The following ESR1 variants were observed in gnomAD, a reference collection of about 807,000 sequenced individuals.
ESR1 encodes estrogen receptor.
A neutral mutation model predicts 52.7 loss-of-function variants in ESR1; 12 were observed. The observed-to-expected ratio is 0.23, with a 90% CI of 0.15 to 0.37. The LOEUF is 0.37. Among genes scored for constraint, ESR1 ranks in the 10% least tolerant of loss-of-function variants. The pLI is 1.00. For missense variants in ESR1, 584 were observed against 779.7 expected (o/e 0.75, Z 2.99); for synonymous variants, 305 against 316.8 (o/e 0.96, Z 0.39).
intron 2 of ESR1, among the ~76,000 whole-genome samples, chr6:151,741,695 G>T (rs907022595): frequency 6.6e-6 from 1 of 152,006 alleles, no homozygotes; most frequent in Non-Finnish European, 1.5e-5. Context: ...TATACTTAAG[G>T]TGTACAACAT....
At chr6:151,877,508 G>A (rs983987889) in intron 2 of ESR1, among the ~76,000 whole-genome samples, 3 of 152,160 alleles carry the variant, frequency 2.0e-5, no homozygotes, top group African/African-American at 4.8e-5. Context: ...TGATTCTGTT[G>A]TACATCTATT....
chr6:152,072,213 A>G (rs2128989103), intron 6 of ESR1, among the ~76,000 whole-genome samples: 1 of 152,326 alleles, frequency 6.6e-6, no homozygotes, highest in Non-Finnish European at 1.5e-5. Flanking sequence ...TAGTATCTAT[A>G]TAGGTCCTTG....
At chr6:152,124,692 G>A (rs62429700) in intron 6 of ESR1, among the ~76,000 whole-genome samples, 1 of 48,666 alleles carries the variant, frequency 2.1e-5, no homozygotes, top group African/African-American at 1.5e-4. Context: ...AATAAGCTGA[G>A]GGAAAAAAAA....
chr6:152,097,779 T>G (rs1378126215), intron 7 of ESR1, among the ~76,000 whole-genome samples: 2 of 152,032 alleles, frequency 1.3e-5, no homozygotes, highest in Non-Finnish European at 2.9e-5. Context: ...TGAACTGAGC[T>G]CTGGGCACTG....
intron 4 of ESR1, among the ~76,000 whole-genome samples, chr6:152,002,182 T>G (rs1463902303): frequency 8.2e-6 from 1 of 121,468 alleles, no homozygotes; most frequent in Non-Finnish European, 1.7e-5. Flanking sequence ...AGATTTTAAA[T>G]CAAGTGTGTG....
At chr6:151,779,006 T>C (rs745399008) in intron 2 of ESR1, among the ~76,000 whole-genome samples, 1 of 152,254 alleles carries the variant, frequency 6.6e-6, no homozygotes, top group East Asian at 1.9e-4. Context: ...CTTTGTCAGA[T>C]GGATGGATTA....
At chr6:151,822,398 G>A (rs1193582334) in intron 1 of ESR1, among the ~76,000 whole-genome samples, 1 of 152,144 alleles carries the variant, frequency 6.6e-6, no homozygotes, top group African/African-American at 2.4e-5. Flanking sequence ...AACAAAATGA[G>A]TTCCTCTAAG....
At chr6:151,836,708 A>G (rs1008460613) in intron 1 of ESR1, among the ~76,000 whole-genome samples, 12 of 152,196 alleles carry the variant, frequency 7.9e-5, no homozygotes, top group Non-Finnish European at 1.2e-4. Context: ...AATTGTGGTA[A>G]GTGCCATGAA....
intron 2 of ESR1, among the ~76,000 whole-genome samples, chr6:151,869,427 T>A (rs1457609591): frequency 6.6e-6 from 1 of 152,218 alleles, no homozygotes; most frequent in East Asian, 1.9e-4. Flanking sequence ...AGAATAGCAC[T>A]TGCTTATTTG....
intron 4 of ESR1, among the ~76,000 whole-genome samples, chr6:151,961,799 G>GGGGAGGGAAAGTAAATGGAATT (rs2037704367): frequency 1.3e-5 from 2 of 152,144 alleles, no homozygotes; most frequent in East Asian, 3.9e-4. Flanking sequence ...TAAATGGAAT[G>GGGGAGGGAAAGTAAATGGAATT]GGGAAGGAAA....
chr6:151,864,031 C>A (rs1789384989), intron 2 of ESR1, among the ~76,000 whole-genome samples: 1 of 152,150 alleles, frequency 6.6e-6, no homozygotes, highest in Non-Finnish European at 1.5e-5. Context: ...ACACCAAAAG[C>A]AATGGCAACA....
At chr6:151,827,256 G>A (rs1029182709) in intron 1 of ESR1, among the ~76,000 whole-genome samples, 12 of 151,600 alleles carry the variant, frequency 7.9e-5, no homozygotes, top group Admixed American at 7.9e-4. Context: ...TTACTTGGGA[G>A]GCTGAGATGG....
chr6:151,853,197 A>AAAAAAAAAAAAGAG (rs1554269040), intron 2 of ESR1, among the ~76,000 whole-genome samples: 2 of 140,250 alleles, frequency 1.4e-5, no homozygotes, highest in African/African-American at 5.8e-5. Flanking sequence ...AAAAAAAAAA[A>AAAAAAAAAAAAGAG]AGAGAAAGAA....
chr6:152,027,048 C>T (rs1349977820), intron 5 of ESR1, among the ~76,000 whole-genome samples: 1 of 151,668 alleles, frequency 6.6e-6, no homozygotes, highest in Non-Finnish European at 1.5e-5. Context: ...CTCACTGCAA[C>T]TTCTGCCTCC....
chr6:151,752,650 G>A (rs1291689904), intron 2 of ESR1, among the ~76,000 whole-genome samples: 1 of 151,984 alleles, frequency 6.6e-6, no homozygotes, highest in African/African-American at 2.4e-5. Context: ...CAATGGAAAG[G>A]ACTACACTAT....
chr6:151,913,135 A>C (rs1798534194), intron 3 of ESR1, among the ~76,000 whole-genome samples: 1 of 152,182 alleles, frequency 6.6e-6, no homozygotes, highest in Non-Finnish European at 1.5e-5. Context: ...ATAAATGAAA[A>C]GTAGCCATTT....
chr6:151,670,881 G>A (rs1316963277), intron 1 of ESR1, among the ~76,000 whole-genome samples: 1 of 144,086 alleles, frequency 6.9e-6, no homozygotes, highest in Non-Finnish European at 1.5e-5. Context: ...CAATTCTCCT[G>A]CCTCAGCTTC....
At chr6:152,046,679 A>G (rs1749574968) in intron 5 of ESR1, among the ~76,000 whole-genome samples, 1 of 152,176 alleles carries the variant, frequency 6.6e-6, no homozygotes, top group South Asian at 2.1e-4. Context: ...TAAAAGAAAG[A>G]TATATTTAAT....
intron 1 of ESR1, among the ~76,000 whole-genome samples, chr6:151,694,497 G>A (rs977456279): frequency 5.3e-5 from 8 of 152,126 alleles, no homozygotes; most frequent in African/African-American, 1.7e-4. Flanking sequence ...TTTATAAAAT[G>A]CAAGTTGTGG....
Sources: gnomAD v4.1 joint callset for allele counts (sites outside exome capture counted in the v4.1 genomes callset) on GRCh38, gnomAD v4.1.1 for gene constraint, MANE v1.5 for transcripts, NCBI Gene and HGNC (gene_info 2026-07-23, HGNC 2026-07-21) for gene names.